The following TBL1XR1 variants were observed in gnomAD, a reference collection of about 807,000 sequenced individuals.
TBL1XR1 encodes the protein F-box-like/WD repeat-containing protein TBL1XR1.
Under a neutral mutation model 66.9 loss-of-function variants are expected in TBL1XR1, and 5 were observed. That is an observed-to-expected ratio of 0.07 (90% confidence interval 0.04 to 0.16). The LOEUF (loss-of-function observed/expected upper bound fraction) is 0.16. TBL1XR1 is among the 10% of genes least tolerant of loss of function. TBL1XR1 has a pLI of 1.00. For missense variants in TBL1XR1, 238 were observed against 623.2 expected, an observed-to-expected ratio of 0.38 and a Z score of 6.58; for synonymous variants, 210 against 206.0, an observed-to-expected ratio of 1.02 and a Z score of -0.17.
chr3:177,104,232 T>C (rs937583300), intron 1 of TBL1XR1, among the ~76,000 whole-genome samples: 3 of 151,972 alleles, frequency 2.0e-5, no homozygotes, highest in Non-Finnish European at 4.4e-5. Context: ...AAGTTCAAAT[T>C]AAATTGCTTA....
intron 1 of TBL1XR1, among the ~76,000 whole-genome samples, chr3:177,184,981 G>A (rs1043965992): frequency 6.6e-6 from 1 of 152,158 alleles, no homozygotes; most frequent in African/African-American, 2.4e-5. Flanking sequence ...AAGCACAGGA[G>A]AAATTAACAT....
intron 1 of TBL1XR1, among the ~76,000 whole-genome samples, chr3:177,156,850 C>T (rs1380450191): frequency 1.3e-5 from 2 of 152,186 alleles, no homozygotes; most frequent in East Asian, 3.9e-4. Flanking sequence ...GTGCTACATC[C>T]GCACAACAAA....
intron 1 of TBL1XR1, among the ~76,000 whole-genome samples, chr3:177,123,224 A>G (rs1307753481): frequency 6.6e-6 from 1 of 152,168 alleles, no homozygotes; most frequent in Non-Finnish European, 1.5e-5. Context: ...GAGAGAACTC[A>G]TATCATACTA....
intron 15 of TBL1XR1, among the ~76,000 whole-genome samples, chr3:177,025,821 T>C (rs774544571): frequency 6.6e-6 from 1 of 152,152 alleles, no homozygotes; most frequent in Non-Finnish European, 1.5e-5. Context: ...TTCCTATCTA[T>C]TGGACCCTAA....
At chr3:177,165,682 C>T (rs958626264) in intron 1 of TBL1XR1, among the ~76,000 whole-genome samples, 1 of 152,120 alleles carries the variant, frequency 6.6e-6, no homozygotes, top group African/African-American at 2.4e-5. Context: ...GACAAAGTAA[C>T]AAAGACAATA....
chr3:177,116,170 T>C (rs1726285946), intron 1 of TBL1XR1, among the ~76,000 whole-genome samples: 1 of 152,178 alleles, frequency 6.6e-6, no homozygotes. Context: ...TTTTACTTAC[T>C]TGAAACCAAC....
At chr3:177,056,720 A>G (rs1717843461) in intron 3 of TBL1XR1, among the ~76,000 whole-genome samples, 1 of 151,548 alleles carries the variant, frequency 6.6e-6, no homozygotes, top group Non-Finnish European at 1.5e-5. Context: ...TCATTTCACT[A>G]CACCTGAAAG....
chr3:177,141,107 A>C (rs1351603418), intron 1 of TBL1XR1, among the ~76,000 whole-genome samples: 1 of 152,232 alleles, frequency 6.6e-6, no homozygotes, highest in Non-Finnish European at 1.5e-5. Flanking sequence ...TTCAAATGAA[A>C]TATGTCCCAT....
chr3:177,033,684 G>A (rs1386711909), intron 13 of TBL1XR1, among the ~76,000 whole-genome samples: 3 of 152,102 alleles, frequency 2.0e-5, no homozygotes, highest in Non-Finnish European at 2.9e-5. Context: ...CGACGTAAGT[G>A]CCCATCAGCT....
chr3:177,085,298 A>G (rs934159480), intron 2 of TBL1XR1, among the ~76,000 whole-genome samples: 2 of 152,224 alleles, frequency 1.3e-5, no homozygotes, highest in Admixed American at 1.3e-4. Context: ...CTCAATCAGG[A>G]AGCAGACTCA....
chr3:177,102,266 T>C (rs1222439794), intron 1 of TBL1XR1, among the ~76,000 whole-genome samples: 1 of 152,228 alleles, frequency 6.6e-6, no homozygotes, highest in Admixed American at 6.5e-5. Context: ...TAATAGTTGA[T>C]GACATGGTTA....
intron 1 of TBL1XR1, among the ~76,000 whole-genome samples, chr3:177,114,897 T>C (rs767424978): frequency 6.6e-6 from 1 of 152,020 alleles, no homozygotes; most frequent in Non-Finnish European, 1.5e-5. Flanking sequence ...GAGGACCCCT[T>C]GAGCCCAGGA....
chr3:177,065,573 A>G (rs1056694020), intron 2 of TBL1XR1, among the ~76,000 whole-genome samples: 4 of 152,208 alleles, frequency 2.6e-5, no homozygotes, highest in East Asian at 3.9e-4. Context: ...AGGCTGGAAT[A>G]CAGTTCCCAA....
intron 1 of TBL1XR1, among the ~76,000 whole-genome samples, chr3:177,148,511 C>T (rs146097774): frequency 0.068 from 10,347 of 151,344 alleles, 515 homozygotes; most frequent in Admixed American, 0.17. Context: ...GTCAGGAGTT[C>T]GAGACCAGCC....
intron 1 of TBL1XR1, among the ~76,000 whole-genome samples, chr3:177,106,652 T>C (rs1724928501): frequency 6.6e-6 from 1 of 152,186 alleles, no homozygotes; most frequent in African/African-American, 2.4e-5. Flanking sequence ...AAAGTGCTAA[T>C]CAGTGCCTAG....
chr3:177,112,686 G>A (rs1276505914), intron 1 of TBL1XR1, among the ~76,000 whole-genome samples: 1 of 152,064 alleles, frequency 6.6e-6, no homozygotes, highest in Non-Finnish European at 1.5e-5. Context: ...AAAAAGAAAA[G>A]TATGAGAACA....
chr3:177,118,063 C>G (rs1726524669), intron 1 of TBL1XR1, among the ~76,000 whole-genome samples: 1 of 152,196 alleles, frequency 6.6e-6, no homozygotes, highest in African/African-American at 2.4e-5. Flanking sequence ...GACTTTCTTT[C>G]TTTACCTCAC....
At chr3:177,196,511 C>A (rs1375208151) in intron 1 of TBL1XR1, 1 of 148,348 alleles carries the variant, frequency 6.7e-6, no homozygotes, top group Non-Finnish European at 1.5e-5. Context: ...CCGCCCCGGA[C>A]GCGCGGCCCC....
intron 1 of TBL1XR1, among the ~76,000 whole-genome samples, chr3:177,124,522 C>T (rs947546944): frequency 6.6e-6 from 1 of 152,040 alleles, no homozygotes; most frequent in African/African-American, 2.4e-5. Flanking sequence ...CTATTTCTTA[C>T]GTGCTATAGG....
Sources: allele counts gnomAD v4.1 joint callset (sites outside exome capture counted in the v4.1 genomes callset), GRCh38; gene constraint gnomAD v4.1.1; transcripts MANE v1.5; gene names NCBI Gene and HGNC (gene_info 2026-07-23, HGNC 2026-07-21).